Variants in DTNBP1 observed in about 807,000 individuals in gnomAD.
The protein encoded by DTNBP1 is dystrobrevin binding protein 1.
In DTNBP1, 35 loss-of-function variants were observed where a neutral mutation model predicts 42.8. The observed-to-expected ratio is 0.82, with a 90% CI of 0.63 to 1.09. DTNBP1 has a LOEUF of 1.09. Among genes scored for constraint, DTNBP1 ranks in the 50% least tolerant of loss-of-function variants. The pLI is 0.00. For synonymous variants in DTNBP1, 171 were observed against 162.2 expected (o/e 1.05, Z -0.41); for missense variants, 457 against 424.2 (o/e 1.08, Z -0.68).
rs141631558 is a variant in DTNBP1, at chr6:15,563,461, T to A, written c.511+29598A>T. 4.7e-3 allele frequency among the ~76,000 whole-genome samples: 721 copies of A among 152,366 alleles called. 6 individuals carry two copies. Among genetic ancestry groups the A allele is most frequent in the African/African-American group, 0.017 (694 of 41,580 alleles). The stretch of plus-strand genomic sequence containing the variant: ...AGTTATAATTAAACATTAATTAGGC[T>A]GCATCTTAAGCCACTTCCTTATAAC... On this transcript the variant is annotated intron_variant, in intron 7 of 9. Transcript: ENST00000344537.
At chr6:15,547,123 C>A (rs1277702803) in intron 7 of DTNBP1, among the ~76,000 whole-genome samples, 3 of 152,088 alleles carry the variant, frequency 2.0e-5, no homozygotes, top group Admixed American at 2.0e-4. Context: ...CTACAGGAAT[C>A]TTTTCAAAAT....
chr6:15,531,662 T>A (rs990128570), intron 8 of DTNBP1, among the ~76,000 whole-genome samples: 2 of 152,294 alleles, frequency 1.3e-5, no homozygotes, highest in South Asian at 4.1e-4. Context: ...TGAGATGGAG[T>A]CTTGCTCTGT....
chr6:15,604,221 G>C (rs1017963312), intron 6 of DTNBP1, among the ~76,000 whole-genome samples: 2 of 152,138 alleles, frequency 1.3e-5, no homozygotes, highest in African/African-American at 4.8e-5. Flanking sequence ...ATTGTTTCGG[G>C]GGAGAGAATA....
intron 6 of DTNBP1, among the ~76,000 whole-genome samples, chr6:15,606,326 A>G (rs560462123): frequency 2.6e-5 from 4 of 152,356 alleles, no homozygotes; most frequent in Non-Finnish European, 5.9e-5. Context: ...TCATATATCC[A>G]TTTGAAACTA....
chr6:15,612,101 G>A (rs746590581), intron 6 of DTNBP1, among the ~76,000 whole-genome samples: 1 of 152,148 alleles, frequency 6.6e-6, no homozygotes, highest in African/African-American at 2.4e-5. Flanking sequence ...AAACTTCATT[G>A]TTATCTTATT....
At chr6:15,552,898 A>G (rs181933777) in intron 7 of DTNBP1, among the ~76,000 whole-genome samples, 10 of 152,336 alleles carry the variant, frequency 6.6e-5, no homozygotes, top group Admixed American at 3.3e-4. Flanking sequence ...TAGAAACTCA[A>G]AAGTGATTGT....
chr6:15,551,423 T>A (rs1416201031), intron 7 of DTNBP1, among the ~76,000 whole-genome samples: 1 of 152,102 alleles, frequency 6.6e-6, no homozygotes, highest in African/African-American at 2.4e-5. Flanking sequence ...ATTCAGGAAG[T>A]ATCCCTAGGA....
At chr6:15,611,149 A>G (rs547814569) in intron 6 of DTNBP1, among the ~76,000 whole-genome samples, 2 of 152,342 alleles carry the variant, frequency 1.3e-5, no homozygotes, top group Admixed American at 6.5e-5. Context: ...TTTAAGCTGA[A>G]GCCAATGCCT....
chr6:15,535,690 T>C (rs1773187764), intron 7 of DTNBP1, among the ~76,000 whole-genome samples: 1 of 152,152 alleles, frequency 6.6e-6, no homozygotes, highest in Non-Finnish European at 1.5e-5. Flanking sequence ...GGGGTATTGA[T>C]ATAAAGATAC....
intron 7 of DTNBP1, among the ~76,000 whole-genome samples, chr6:15,569,353 A>ACCCCCCC (rs11332178): frequency 1.0e-4 from 13 of 127,146 alleles, no homozygotes; most frequent in African/African-American, 1.8e-4. Flanking sequence ...GCCAGTTAAG[A>ACCCCCCC]CCCCCCCCCG....
chr6:15,602,177 T>G (rs896120707), intron 6 of DTNBP1, among the ~76,000 whole-genome samples: 1 of 152,044 alleles, frequency 6.6e-6, no homozygotes, highest in African/African-American at 2.4e-5. Context: ...TGAGCCAGAA[T>G]GAAAGACTAG....
chr6:15,532,088 G>T (rs543231677), intron 8 of DTNBP1, among the ~76,000 whole-genome samples: 1 of 152,306 alleles, frequency 6.6e-6, no homozygotes, highest in East Asian at 1.9e-4. Context: ...GATTTGGGGG[G>T]TGAGGGAGGT....
At position 15,580,917 on chromosome 6, in the gene DTNBP1, T is replaced by C. The variant is rs187595940; in HGVS notation, c.511+12142A>G. On this transcript the variant is annotated intron_variant, in intron 7 of 9. Transcript: ENST00000344537. ...ATTTTTATATGGGGTATTGGAAAACTAGCATGGGTCTAGACAAGAATGACC... is the reference window on the plus strand; with the variant it reads ...ATTTTTATATGGGGTATTGGAAAACCAGCATGGGTCTAGACAAGAATGACC... 1.3e-4 allele frequency among the ~76,000 whole-genome samples: 20 copies of C among 152,236 alleles called. No individual in the cohort carries two copies. The East Asian group carries it at 3.9e-3, about 29-fold the overall frequency.
intron 7 of DTNBP1, among the ~76,000 whole-genome samples, chr6:15,539,425 C>G (rs994376430): frequency 2.0e-5 from 3 of 152,226 alleles, no homozygotes; most frequent in Non-Finnish European, 4.4e-5. Context: ...TTGGCACAGC[C>G]CTCTGGTCTA....
intron 7 of DTNBP1, among the ~76,000 whole-genome samples, chr6:15,567,043 A>G (rs1006451857): frequency 2.0e-5 from 3 of 152,086 alleles, no homozygotes; most frequent in Admixed American, 1.3e-4. Context: ...GACCCTCCCA[A>G]TCCTGAAGAG....
At chr6:15,535,196 GCTCATA>G (rs1282645921) in intron 7 of DTNBP1, among the ~76,000 whole-genome samples, 2 of 152,068 alleles carry the variant, frequency 1.3e-5, no homozygotes, top group Non-Finnish European at 2.9e-5. Context: ...TCCTTCACAT[GCTCATA>G]CTCTCCACCT....
intron 6 of DTNBP1, among the ~76,000 whole-genome samples, chr6:15,593,918 C>A (rs939214265): frequency 1.3e-5 from 2 of 152,134 alleles, no homozygotes; most frequent in African/African-American, 4.8e-5. Context: ...ATTCTTAAAT[C>A]AATTTTCTAC....
At chr6:15,528,510 G>C (rs753891669) in intron 8 of DTNBP1, among the ~76,000 whole-genome samples, 17 of 152,336 alleles carry the variant, frequency 1.1e-4, no homozygotes, top group Non-Finnish European at 1.6e-4. Flanking sequence ...TTTTGGCTCA[G>C]GGACGGGCGG....
intron 7 of DTNBP1, among the ~76,000 whole-genome samples, chr6:15,588,733 T>C (rs765632481): frequency 4.6e-5 from 7 of 152,220 alleles, no homozygotes; most frequent in Non-Finnish European, 8.8e-5. Context: ...TGTGGCTCCT[T>C]CAATAAATAA....
Sources: gnomAD v4.1 joint callset for allele counts (sites outside exome capture counted in the v4.1 genomes callset) on GRCh38, gnomAD v4.1.1 for gene constraint, MANE v1.5 for transcripts, NCBI Gene and HGNC (gene_info 2026-07-23, HGNC 2026-07-21) for gene names.